FLYWCH1: variants seen among roughly 807,000 people sequenced by gnomAD.
FLYWCH1 encodes FLYWCH-type zinc finger 1.
A neutral mutation model predicts 66.4 loss-of-function variants in FLYWCH1; 75 were observed. That is an observed-to-expected ratio of 1.13 (90% CI 0.94 to 1.37). The LOEUF (loss-of-function observed/expected upper bound fraction) is 1.37, where lower values mean the gene tolerates loss of function less well. Ranked by LOEUF, FLYWCH1 falls within the 40% of genes most tolerant of loss-of-function variation. The pLI is 0.00. For missense variants in FLYWCH1, 1,334 were observed against 1,001.8 expected (o/e 1.33, Z -4.48); for synonymous variants, 595 against 429.9 (o/e 1.38, Z -4.75).
At chr16:2,934,326 G>T (rs1388877697) in intron 6 of FLYWCH1, among the ~76,000 whole-genome samples, 2 of 152,198 alleles carry the variant, frequency 1.3e-5, no homozygotes, top group Non-Finnish European at 2.9e-5. Context: ...TGCTATGGTG[G>T]AAGGCTGTCT....
At chr16:2,927,522 T>C (rs924272516) in intron 2 of FLYWCH1, among the ~76,000 whole-genome samples, 1 of 152,204 alleles carries the variant, frequency 6.6e-6, no homozygotes, top group African/African-American at 2.4e-5. Context: ...TGTGAAGGCT[T>C]GTAATGGGAT....
chr16:2,938,523 T>C, intron 8 of FLYWCH1, 67 bp downstream of exon 8: 1 of 1,444,864 alleles, frequency 6.9e-7, no homozygotes, highest in Non-Finnish European at 9.1e-7. Flanking sequence ...TCAGAACTGA[T>C]GCCCCAGGCC....
At chr16:2,929,179 C>G (rs2070673034) in intron 2 of FLYWCH1, among the ~76,000 whole-genome samples, 1 of 152,226 alleles carries the variant, frequency 6.6e-6, no homozygotes, top group African/African-American at 2.4e-5. Context: ...GTCTCAGCTT[C>G]CCGCCTCTTC....
intron 2 of FLYWCH1, among the ~76,000 whole-genome samples, chr16:2,918,445 CTTTT>C (rs879793184): frequency 7.3e-6 from 1 of 137,044 alleles, no homozygotes; most frequent in Non-Finnish European, 1.6e-5. Flanking sequence ...CCGCGCCAGG[CTTTT>C]TTTTTTTTGA....
At chr16:2,937,407 TG>T in intron 7 of FLYWCH1, 23 bp downstream of exon 7, 1 of 1,508,528 alleles carries the variant, frequency 6.6e-7, no homozygotes. Flanking sequence ...GGTGCTGGGC[TG>T]GGTCTGCCTG....
intron 2 of FLYWCH1, among the ~76,000 whole-genome samples, chr16:2,915,983 G>C (rs1440165299): frequency 6.6e-6 from 1 of 152,114 alleles, no homozygotes; most frequent in Non-Finnish European, 1.5e-5. Flanking sequence ...CAATAGTACT[G>C]ATTCACCAGA....
intron 2 of FLYWCH1, 46 bp from the exon 3 acceptor site, chr16:2,929,567 C>T (rs1157756125): frequency 7.6e-7 from 1 of 1,308,638 alleles, no homozygotes; most frequent in Non-Finnish European, 1.0e-6. Flanking sequence ...CGTCTAGAGT[C>T]CCCCAAGGGC....
At chr16:2,947,824 G>C (rs548402495) in intron 9 of FLYWCH1, among the ~76,000 whole-genome samples, 3 of 151,140 alleles carry the variant, frequency 2.0e-5, no homozygotes, top group Admixed American at 6.6e-5. Flanking sequence ...CATGAGTTCA[G>C]GAGTTCGAGA....
At chr16:2,934,515 C>T (rs1350796835) in intron 6 of FLYWCH1, 1 of 396,132 alleles carries the variant, frequency 2.5e-6, no homozygotes, top group Non-Finnish European at 5.0e-6. Flanking sequence ...GGTGTTTTGA[C>T]TTCACAACCA....
intron 6 of FLYWCH1, chr16:2,936,296 C>A: frequency 2.4e-6 from 1 of 423,306 alleles, no homozygotes; most frequent in Non-Finnish European, 4.7e-6. Flanking sequence ...GGCGTCCCCA[C>A]CTTCGTCCTG....
In FLYWCH1 at chr16:2,933,719, G is replaced by T; in HGVS notation, c.1253G>T (p.Gly418Val). 1.9e-6 allele frequency: 3 copies of T among 1,612,026 alleles called. No individual in the cohort carries two copies. The highest frequency in any genetic ancestry group is 2.5e-6 in the Non-Finnish European group (3 of 1,178,988). ...EHQDMDADPG[G>V]PEFLKTPLGG... is the part of the protein sequence containing the mutation. ...ACTGCCTCTTGAACCTCCCCAGGAGGCCCTGAGTTCCTGAAGACGCCCCTG... is the reference window on the plus strand; with the variant it reads ...ACTGCCTCTTGAACCTCCCCAGGAGTCCCTGAGTTCCTGAAGACGCCCCTG... Residue 418 changes from glycine to valine, a missense_variant, in exon 6 of 10, where the codon GGC becomes GTC. Transcript: ENST00000253928.
chr16:2,922,620 G>C (rs2070413748), intron 2 of FLYWCH1: 1 of 390,506 alleles, frequency 2.6e-6, no homozygotes, highest in Non-Finnish European at 4.9e-6. Flanking sequence ...ATGGTGAAAA[G>C]ATATACATAT....
chr16:2,912,005 CGA>C lies in FLYWCH1; in HGVS notation c.-335_-334del, dbSNP rs2150863091. ...CGCGCGCGGTCACGGGGCTCGCTCC[CGA>C]GGGGCAGGTCGGGGCTGGGAGCTGG... On this transcript the variant is annotated 5_prime_UTR_variant, in exon 1 of 10. Transcript: ENST00000253928. 1 of 152,428 alleles carries C rather than the reference CGA, an allele frequency of 6.6e-6. No individual in the cohort carries two copies. Among genetic ancestry groups the C allele is most frequent in the East Asian group, 1.9e-4 (1 of 5,180 alleles). The allele number at this position is 152,428 out of a possible 1,614,324, so 9.4% of individuals were successfully genotyped here. A position where few individuals can be genotyped will look rare whatever the true frequency, so the allele number is the denominator to read the frequency against.
chr16:2,915,831 A>G (rs924096591), intron 2 of FLYWCH1, among the ~76,000 whole-genome samples: 3 of 152,104 alleles, frequency 2.0e-5, no homozygotes, highest in Non-Finnish European at 2.9e-5. Flanking sequence ...AATCCAAAGA[A>G]GAATCTACAA....
chr16:2,913,908 C>T (rs993346442), intron 1 of FLYWCH1, among the ~76,000 whole-genome samples: 1 of 152,116 alleles, frequency 6.6e-6, no homozygotes, highest in African/African-American at 2.4e-5. Flanking sequence ...GCAGGTCTCA[C>T]TATGTTGCCT....
At chr16:2,945,341 C>A (rs2071433016) in intron 9 of FLYWCH1, among the ~76,000 whole-genome samples, 1 of 151,816 alleles carries the variant, frequency 6.6e-6, no homozygotes, top group Admixed American at 6.6e-5. Flanking sequence ...CAAAAATCAG[C>A]TGGGCGTGGT....
chr16:2,917,868 A>G (rs1440461038), intron 2 of FLYWCH1, among the ~76,000 whole-genome samples: 1 of 121,516 alleles, frequency 8.2e-6, no homozygotes, highest in Non-Finnish European at 1.6e-5. Context: ...ATGGAGTCTC[A>G]CTGTTGCCCA....
At chr16:2,937,604 C>T (rs1313295690) in intron 7 of FLYWCH1, among the ~76,000 whole-genome samples, 1 of 152,172 alleles carries the variant, frequency 6.6e-6, no homozygotes, top group East Asian at 1.9e-4. Context: ...TAGAAACCCA[C>T]TCAGCTCTCT....
At chr16:2,934,992 T>A (rs1161563017) in intron 6 of FLYWCH1, 1 of 159,864 alleles carries the variant, frequency 6.3e-6, no homozygotes, top group Non-Finnish European at 1.4e-5. Flanking sequence ...GGCGTGATCT[T>A]GGCTCACTGC....
Sources: gnomAD v4.1 joint callset for allele counts (sites outside exome capture counted in the v4.1 genomes callset) on GRCh38, gnomAD v4.1.1 for gene constraint, MANE v1.5 for transcripts, NCBI Gene and HGNC (gene_info 2026-07-23, HGNC 2026-07-21) for gene names.